The following SEPTIN7 variants were observed in gnomAD, a reference collection of about 807,000 sequenced individuals.
The protein encoded by SEPTIN7 is septin-7.
In SEPTIN7, 10 loss-of-function variants were observed where a neutral mutation model predicts 63.3. The ratio of observed to expected loss-of-function variants is 0.16; its 90% confidence interval spans 0.10 to 0.27. The LOEUF is 0.27. SEPTIN7 is among the 10% of genes least tolerant of loss of function. The probability of loss-of-function intolerance (pLI) is 1.00; values close to 1 mark genes in which losing one functional copy is unlikely to be tolerated. For synonymous variants in SEPTIN7, 131 were observed against 165.3 expected (o/e 0.79, Z 1.59); for missense variants, 310 against 521.0 (o/e 0.59, Z 3.94).
chr7:35,913,011 G>A, the SEPTIN7 span, among the ~76,000 whole-genome samples: 28 of 152,216 alleles, frequency 1.8e-4, no homozygotes, highest in African/African-American at 6.3e-4. Flanking sequence ...AGGGAGCACT[G>A]TAGTGGAAAA....
intron 12 of SEPTIN7, chr7:35,902,415 AC>A: frequency 6.6e-6 from 1 of 152,296 alleles, no homozygotes; most frequent in South Asian, 2.1e-4. Flanking sequence ...TTGAAAATCC[AC>A]ATTTCCAGAC....
At position 35,815,822 on chromosome 7, in the gene SEPTIN7, T is replaced by G. The variant is rs191838168; in HGVS notation, c.61+14552T>G. 4.5e-4 allele frequency among the ~76,000 whole-genome samples: 68 copies of G among 152,338 alleles called. No homozygotes were observed. In the East Asian group the frequency reaches 0.01, roughly 23 times the overall value. Reference sequence around the variant, plus strand: ...CTTTTCACATCCTGGCTGATTTTGTTTTTTTAATGGGAATATATGGAAAAT... The same window carrying G: ...CTTTTCACATCCTGGCTGATTTTGTGTTTTTAATGGGAATATATGGAAAAT... On this transcript the variant is annotated intron_variant, in intron 1 of 13. Coordinates refer to ENST00000350320, the MANE Select transcript of SEPTIN7 (RefSeq NM_001788.6).
intron 3 of SEPTIN7, among the ~76,000 whole-genome samples, chr7:35,841,281 G>A (rs1276026001): frequency 1.3e-5 from 2 of 152,116 alleles, no homozygotes; most frequent in Admixed American, 1.3e-4. Context: ...ATTGACATAT[G>A]TAAGAAATGT....
intron 11 of SEPTIN7, among the ~76,000 whole-genome samples, chr7:35,897,659 T>G (rs1788033909): frequency 6.6e-6 from 1 of 152,164 alleles, no homozygotes; most frequent in African/African-American, 2.4e-5. Context: ...GTGAAATATT[T>G]GAGTTAAGTA....
At chr7:35,802,004 C>T (rs1457769805) in intron 1 of SEPTIN7, among the ~76,000 whole-genome samples, 6 of 152,028 alleles carry the variant, frequency 3.9e-5, no homozygotes, top group Non-Finnish European at 8.8e-5. Flanking sequence ...GGAATTTGGG[C>T]TTAATTTTTA....
intron 3 of SEPTIN7, among the ~76,000 whole-genome samples, chr7:35,845,991 A>G (rs1178382054): frequency 5.3e-5 from 8 of 152,022 alleles, no homozygotes; most frequent in Admixed American, 3.3e-4. Flanking sequence ...AGATATTCAG[A>G]TATATGGCTT....
At chr7:35,814,974 CAAAAAAAAAAAA>C (rs56795764) in intron 1 of SEPTIN7, among the ~76,000 whole-genome samples, 1 of 22,028 alleles carries the variant, frequency 4.5e-5, no homozygotes, top group Non-Finnish European at 1.0e-4. Context: ...GACTCCTTCT[CAAAAAAAAAAAA>C]AAAAAAAAAA....
At chr7:35,824,916 G>A (rs751826493) in intron 1 of SEPTIN7, among the ~76,000 whole-genome samples, 1 of 152,030 alleles carries the variant, frequency 6.6e-6, no homozygotes, top group Non-Finnish European at 1.5e-5. Context: ...TTTAAAATAT[G>A]ATATTTTACA....
chr7:35,809,835 G>A lies in SEPTIN7; in HGVS notation c.61+8565G>A, dbSNP rs193187110. Among the ~76,000 whole-genome samples, 57 of 152,332 alleles carry A rather than the reference G, an allele frequency of 3.7e-4. 1 individual carries two copies. The highest frequency in any genetic ancestry group is 1.9e-4 in the East Asian group (1 of 5,194). The stretch of plus-strand genomic sequence containing the variant: ...AATCGTGATGATAATTCTCTCTGTT[G>A]AGAGTTGACAGGGCACCAGGTTGGA... On this transcript the variant is annotated intron_variant, in intron 1 of 13. Transcript: ENST00000350320.
intron 1 of SEPTIN7, among the ~76,000 whole-genome samples, chr7:35,810,525 G>A (rs989690086): frequency 2.8e-4 from 43 of 151,638 alleles, no homozygotes; most frequent in Admixed American, 2.4e-3. Context: ...GGGTTTCACC[G>A]TGTTAGCCAG....
chr7:35,821,387 T>G (rs758879599), intron 1 of SEPTIN7, among the ~76,000 whole-genome samples: 2 of 152,228 alleles, frequency 1.3e-5, no homozygotes, highest in Non-Finnish European at 2.9e-5. Context: ...TTTAAGAATG[T>G]TTTTCTAGTC....
At position 35,842,589 on chromosome 7, in the gene SEPTIN7, T is replaced by C. The variant is rs552815137; in HGVS notation, c.169+9689T>C. Among the ~76,000 whole-genome samples, 7 of 152,244 alleles carry C rather than the reference T, an allele frequency of 4.6e-5. No homozygotes were observed. In the East Asian group the frequency reaches 1.3e-3, roughly 29 times the overall value. On this transcript the variant is annotated intron_variant, in intron 3 of 13. Coordinates refer to ENST00000350320, the MANE Select transcript of SEPTIN7 (RefSeq NM_001788.6). ...CATGTCTTTATATTCTGGAGACAGA[T>C]TGCATGTTTAGAATCTCAAAAAGGT...
intron 12 of SEPTIN7, chr7:35,899,108 CTG>C (rs1216350074): frequency 6.6e-6 from 1 of 152,108 alleles, no homozygotes; most frequent in African/African-American, 2.4e-5. Context: ...AAAAGATAAA[CTG>C]AACATTAAAA....
At chr7:35,837,098 T>G (rs1428508054) in intron 3 of SEPTIN7, among the ~76,000 whole-genome samples, 11 of 152,196 alleles carry the variant, frequency 7.2e-5, no homozygotes, top group Non-Finnish European at 1.5e-4. Flanking sequence ...TTTTGTACAT[T>G]CCTTCTAGCT....
chr7:35,835,282 G>A (rs756436535), intron 3 of SEPTIN7, among the ~76,000 whole-genome samples: 15 of 152,244 alleles, frequency 9.9e-5, no homozygotes, highest in Middle Eastern at 3.4e-3. Flanking sequence ...TTGAAGGATA[G>A]AATTGGGGCC....
intron 3 of SEPTIN7, among the ~76,000 whole-genome samples, chr7:35,840,196 C>CCCCCTCCCCCCTTT (rs1351244477): frequency 1.1e-4 from 9 of 79,044 alleles, no homozygotes; most frequent in Non-Finnish European, 2.0e-4. Flanking sequence ...CCTCCCCCTT[C>CCCCCTCCCCCCTTT]CCCCTCCCCC....
intron 1 of SEPTIN7, among the ~76,000 whole-genome samples, chr7:35,812,751 A>G (rs1285450868): frequency 1.3e-5 from 2 of 152,204 alleles, no homozygotes; most frequent in Non-Finnish European, 2.9e-5. Flanking sequence ...CACTTCATTT[A>G]ATAAATAAAT....
chr7:35,896,303 A>T (rs1236844180), intron 11 of SEPTIN7, among the ~76,000 whole-genome samples: 1 of 152,210 alleles, frequency 6.6e-6, no homozygotes, highest in African/African-American at 2.4e-5. Flanking sequence ...TACAATCATA[A>T]TTGTTGGAAG....
downstream of SEPTIN7, among the ~76,000 whole-genome samples, chr7:35,908,031 G>A (rs1788665187): frequency 2.0e-5 from 3 of 152,184 alleles, no homozygotes; most frequent in South Asian, 6.2e-4. Flanking sequence ...TAAGTCTCTG[G>A]ATCTGCTTCT....
Sources: gnomAD v4.1 joint callset for allele counts (sites outside exome capture counted in the v4.1 genomes callset) on GRCh38, gnomAD v4.1.1 for gene constraint, MANE v1.5 for transcripts, NCBI Gene and HGNC (gene_info 2026-07-23, HGNC 2026-07-21) for gene names.